Variants in PCDHGA5 observed in about 807,000 individuals in gnomAD.
PCDHGA5 encodes protocadherin gamma subfamily A, 5, also known as protocadherin gamma-A5.
A neutral mutation model predicts 56.7 loss-of-function variants in PCDHGA5; 36 were observed. The ratio of observed to expected loss-of-function variants is 0.64; its 90% CI spans 0.49 to 0.84. The LOEUF (loss-of-function observed/expected upper bound fraction) is 0.84. Ranked by LOEUF, PCDHGA5 falls within the 40% of genes least tolerant of loss-of-function variation. The pLI, the probability that PCDHGA5 is intolerant of heterozygous loss-of-function variation, is 0.00. For synonymous variants in PCDHGA5, 563 were observed against 520.2 expected, an observed-to-expected ratio of 1.08 and a Z score of -1.12; for missense variants, 1,305 against 1,201.5, an observed-to-expected ratio of 1.09 and a Z score of -1.27.
chr5:141,381,044 T>G (rs745590770), intron 1 of PCDHGA5, among the ~76,000 whole-genome samples: 1 of 152,278 alleles, frequency 6.6e-6, no homozygotes, highest in Admixed American at 6.5e-5. Flanking sequence ...AAAATTTATC[T>G]ACTTTGTGAA....
At chr5:141,445,781 G>A (rs1424622281) in intron 1 of PCDHGA5, among the ~76,000 whole-genome samples, 25 of 152,112 alleles carry the variant, frequency 1.6e-4, no homozygotes, top group Admixed American at 1.6e-3. Flanking sequence ...AAAGGGCTAG[G>A]GAGGCTAGAA....
intron 1 of PCDHGA5, chr5:141,372,710 T>C (rs1366946720): frequency 6.2e-7 from 1 of 1,613,996 alleles, no homozygotes; most frequent in Admixed American, 1.7e-5. Context: ...ATATAAAGGC[T>C]GAAAATGCTG....
At chr5:141,384,163 C>G (rs535530763) in intron 1 of PCDHGA5, 2 of 1,613,658 alleles carry the variant, frequency 1.2e-6, no homozygotes, top group African/African-American at 1.3e-5. Context: ...TAACATCACA[C>G]TGAAAGCCAC....
chr5:141,438,733 C>T (rs2098057443), intron 1 of PCDHGA5, among the ~76,000 whole-genome samples: 1 of 149,042 alleles, frequency 6.7e-6, no homozygotes, highest in Non-Finnish European at 1.5e-5. Context: ...GTGATCTCAG[C>T]TCACTGCAAC....
At position 141,431,555 on chromosome 5, in the gene PCDHGA5, G is replaced by A. The variant is rs2097394199; in HGVS notation, c.2422-63252G>A. On this transcript the variant is annotated intron_variant, in intron 1 of 3. Transcript: ENST00000518069. This position sits in a 1 kb window ranked among gnomAD's most constrained non-coding sequence, Gnocchi z 4.8. The stretch of plus-strand genomic sequence containing the variant: ...GGGCACGCAGCTGCTTGTAGTCAAC[G>A]CTACCGACCCTGACGAAGGAGTCAA... 1 of 1,614,014 alleles carries A rather than the reference G, an allele frequency of 6.2e-7. No individual in the cohort carries two copies. The highest frequency in any genetic ancestry group is 8.5e-7 in the Non-Finnish European group (1 of 1,180,032).
At chr5:141,408,763 T>C in intron 1 of PCDHGA5, 1 of 1,611,150 alleles carries the variant, frequency 6.2e-7, no homozygotes. Context: ...TTAATTCCGA[T>C]GGTGGCAAAT....
chr5:141,405,621 C>T lies in PCDHGA5; in HGVS notation c.2421+38870C>T, dbSNP rs2094693815. 9.2e-6 allele frequency: 5 copies of T among 543,194 alleles called. No individual in the cohort carries two copies. In the South Asian group the frequency reaches 1.0e-4, roughly 11 times the overall value. 33.6% of individuals were successfully genotyped at this position (543,194 alleles called of 1,614,324 possible). ...AGTAGAATAACTGGGACTACAGGCA[C>T]GTGCCACCACGCCCGGCTAATTTTT... On this transcript the variant is annotated intron_variant, in intron 1 of 3. Coordinates refer to ENST00000518069, the MANE Select transcript of PCDHGA5 (RefSeq NM_018918.3).
At chr5:141,405,560 G>A in intron 1 of PCDHGA5, 1 of 613,636 alleles carries the variant, frequency 1.6e-6, no homozygotes, top group Non-Finnish European at 2.9e-6. Context: ...GAGTAGCTGG[G>A]ACTAGAGTAG....
intron 1 of PCDHGA5, chr5:141,389,172 C>T: frequency 3.1e-6 from 5 of 1,614,036 alleles, no homozygotes; most frequent in Non-Finnish European, 4.2e-6. Context: ...CAAGCCTCCC[C>T]TCTCCTCCAG....
intron 1 of PCDHGA5, chr5:141,412,044 A>T (rs1403784619): frequency 6.6e-6 from 1 of 152,194 alleles, no homozygotes; most frequent in East Asian, 1.9e-4. Context: ...AAAGAAGTGA[A>T]CTTCTATACC....
rs748803155 is a variant in PCDHGA5, at chr5:141,490,087, G to A, written c.2422-4720G>A. On this transcript the variant is annotated intron_variant, in intron 1 of 3. Coordinates refer to ENST00000518069, the MANE Select transcript of PCDHGA5 (RefSeq NM_018918.3). The surrounding 1 kb of genome is among the most constrained non-coding windows in gnomAD (Gnocchi z 5.4). ...CGGCCAACTAGACTATTCTTTTGGA[G>A]ACCACACATCTGAGGCAGTGCGGAA... 2.5e-6 allele frequency: 4 copies of A among 1,614,244 alleles called. No homozygotes were observed. The highest frequency in any genetic ancestry group is 1.3e-5 in the African/African-American group (1 of 75,068).
Position 141,403,041 on chromosome 5 carries a change from A to G in PCDHGA5, c.2421+36290A>G, listed in dbSNP as rs202099773. Reference sequence around the variant, plus strand: ...ATGCTATGGGAGGCCAGGGCCAGTCAGATTCGCTACTCAGTGCCTGAAGAG... The same window carrying G: ...ATGCTATGGGAGGCCAGGGCCAGTCGGATTCGCTACTCAGTGCCTGAAGAG... On this transcript the variant is annotated intron_variant, in intron 1 of 3. Transcript: ENST00000518069. 7.2e-5 allele frequency: 116 copies of G among 1,613,966 alleles called. No homozygotes were observed. Among genetic ancestry groups the G allele is most frequent in the Non-Finnish European group, 9.6e-5 (113 of 1,179,918 alleles).
intron 1 of PCDHGA5, chr5:141,399,935 A>G (rs2093920920): frequency 1.9e-6 from 3 of 1,612,300 alleles, no homozygotes; most frequent in Non-Finnish European, 2.5e-6. Context: ...CTGTCCTACC[A>G]CGTGCTGCAG....
chr5:141,379,238 A>C (rs1775465373), intron 1 of PCDHGA5: 1 of 152,242 alleles, frequency 6.6e-6, no homozygotes, highest in Non-Finnish European at 1.5e-5. Flanking sequence ...CTGAACCAAT[A>C]TTGTGGTATT....
chr5:141,446,778 T>C (rs2098515519), intron 1 of PCDHGA5, among the ~76,000 whole-genome samples: 1 of 152,116 alleles, frequency 6.6e-6, no homozygotes, highest in South Asian at 2.1e-4. Flanking sequence ...GTTACCATTC[T>C]TTTACTCTGA....
In PCDHGA5 at chr5:141,485,578, G is replaced by A; in HGVS notation, c.2422-9229G>A. ...ATGATCACGCCCCCCGTTTTCCGCG[G>A]CAGCAGCTGGACTTGGAAATTGGGG... is the stretch of plus-strand genomic sequence containing the variant. On this transcript the variant is annotated intron_variant, in intron 1 of 3. Transcript: ENST00000518069. This position sits in a 1 kb window ranked among gnomAD's most constrained non-coding sequence, Gnocchi z 5.7. 6.2e-7 allele frequency: 1 copy of A among 1,612,362 alleles called. No homozygotes were observed. Among genetic ancestry groups the A allele is most frequent in the Non-Finnish European group, 8.5e-7 (1 of 1,178,688 alleles).
intron 1 of PCDHGA5, chr5:141,403,041 A>T: frequency 6.2e-7 from 1 of 1,614,084 alleles, no homozygotes; most frequent in Non-Finnish European, 8.5e-7. Flanking sequence ...AGGGCCAGTC[A>T]GATTCGCTAC....
intron 1 of PCDHGA5, chr5:141,419,639 G>A (rs1478835703): frequency 6.2e-7 from 1 of 1,612,442 alleles, no homozygotes; most frequent in African/African-American, 1.3e-5. Flanking sequence ...GGTGGTGGCC[G>A]TGGACGCGGA....
chr5:141,484,864 A>G, intron 1 of PCDHGA5: 1 of 263,722 alleles, frequency 3.8e-6, no homozygotes, highest in Non-Finnish European at 7.2e-6. Context: ...GGGGTGGGGG[A>G]GCGTGGAGGA....
Sources: allele counts gnomAD v4.1 joint callset (sites outside exome capture counted in the v4.1 genomes callset), GRCh38; gene constraint gnomAD v4.1.1; non-coding constraint Gnocchi (gnomAD v3.1); transcripts MANE v1.5; gene names NCBI Gene and HGNC (gene_info 2026-07-23, HGNC 2026-07-21).